The following TGFBR3 variants were observed in gnomAD, a reference collection of about 807,000 sequenced individuals.
The protein encoded by TGFBR3 is transforming growth factor beta receptor type 3.
In TGFBR3, 46 loss-of-function variants were observed where a neutral mutation model predicts 87.9. The observed-to-expected ratio is 0.52, with a 90% CI of 0.41 to 0.67. TGFBR3 has a LOEUF of 0.67. Among genes scored for constraint, TGFBR3 ranks in the 30% least tolerant of loss-of-function variants. The probability of loss-of-function intolerance (pLI) is 0.00; values close to 1 mark genes in which losing one functional copy is unlikely to be tolerated. For synonymous variants in TGFBR3, 381 were observed against 391.6 expected, an observed-to-expected ratio of 0.97 and a Z score of 0.32; for missense variants, 866 against 1,041.9, an observed-to-expected ratio of 0.83 and a Z score of 2.32.
rs1449373231 is a variant in TGFBR3 at position 91,849,866 on chromosome 1, A to AG, written c.61+11604dup. On this transcript the variant is annotated intron_variant, in intron 2 of 16. Transcript: ENST00000212355. ...GGGAGGCCGAGGCGGGCCGATCACG[A>AG]GGTCAGGAGATTGAGACCATCCTGG... Among the ~76,000 whole-genome samples the AG allele has an allele frequency of 1.6e-4, 24 of 151,984 alleles. 2 individuals carry two copies. The South Asian group carries it at 4.8e-3, about 30-fold the overall frequency.
chr1:91,892,036 CA>C (rs1345064418), intron 2 of TGFBR3, among the ~76,000 whole-genome samples: 2 of 152,172 alleles, frequency 1.3e-5, no homozygotes, highest in Admixed American at 1.3e-4. Context: ...GGGAATTCCA[CA>C]GAGATTTTGG....
intron 3 of TGFBR3, among the ~76,000 whole-genome samples, chr1:91,785,841 C>G (rs1236587171): frequency 6.6e-6 from 1 of 150,674 alleles, no homozygotes; most frequent in Non-Finnish European, 1.5e-5. Context: ...GATCGTGGTT[C>G]ACTGCAGCCT....
chr1:91,733,012 G>A (rs565959944), intron 5 of TGFBR3, among the ~76,000 whole-genome samples: 16 of 152,164 alleles, frequency 1.1e-4, no homozygotes, highest in Non-Finnish European at 2.1e-4. Context: ...AACGCGGCCC[G>A]CTGGCCAGGG....
At chr1:91,788,353 G>A (rs1202089631) in intron 3 of TGFBR3, among the ~76,000 whole-genome samples, 2 of 152,180 alleles carry the variant, frequency 1.3e-5, no homozygotes, top group Non-Finnish European at 2.9e-5. Context: ...GGGAAGAAGG[G>A]AAAGAAGGAC....
At chr1:91,790,191 T>C (rs1675135565) in intron 3 of TGFBR3, among the ~76,000 whole-genome samples, 1 of 152,102 alleles carries the variant, frequency 6.6e-6, no homozygotes, top group Admixed American at 6.5e-5. Context: ...TCTCATAAGA[T>C]TATAGTACCA....
At chr1:91,685,675 C>G (rs1671066885) in intron 16 of TGFBR3, among the ~76,000 whole-genome samples, 1 of 152,148 alleles carries the variant, frequency 6.6e-6, no homozygotes, top group Non-Finnish European at 1.5e-5. Flanking sequence ...CTCCCCAGCA[C>G]TGCCCTCTAC....
At position 91,704,277 on chromosome 1, in the gene TGFBR3, G is replaced by A. The variant is rs569599571; in HGVS notation, c.2287+4386C>T. On this transcript the variant is annotated intron_variant, in intron 14 of 16. Transcript: ENST00000212355. ...CAGGAGGTGGAGGTTGCAGTGAGCC[G>A]AGATTGCGCCACTGCACTCCAGTCT... 1.5e-3 allele frequency among the ~76,000 whole-genome samples: 220 copies of A among 150,672 alleles called. 2 individuals are homozygous for A. The highest frequency in any genetic ancestry group is 0.011 in the Middle Eastern group (3 of 282).
chr1:91,809,530 T>C (rs17881754), intron 2 of TGFBR3, among the ~76,000 whole-genome samples: 171 of 152,284 alleles, frequency 1.1e-3, no homozygotes, highest in African/African-American at 4.0e-3. Flanking sequence ...TGATTGCAGA[T>C]AGGAGACCAT....
intron 3 of TGFBR3, among the ~76,000 whole-genome samples, chr1:91,768,144 G>A (rs2100924016): frequency 6.6e-6 from 1 of 150,566 alleles, no homozygotes; most frequent in South Asian, 2.1e-4. Flanking sequence ...CCCAGGAGGC[G>A]GAAGTTGAGT....
chr1:91,777,191 T>C (rs564847118), intron 3 of TGFBR3, among the ~76,000 whole-genome samples: 2 of 152,316 alleles, frequency 1.3e-5, no homozygotes, highest in South Asian at 4.1e-4. Context: ...TCCCAATCTG[T>C]AGTGGGGAAA....
intron 3 of TGFBR3, among the ~76,000 whole-genome samples, chr1:91,791,918 G>A (rs565803480): frequency 1.3e-5 from 2 of 152,286 alleles, no homozygotes; most frequent in Admixed American, 6.5e-5. Flanking sequence ...ATTGTCATTT[G>A]GGGGATGTGA....
chr1:91,890,230 A>G (rs1348494380), upstream of TGFBR3, among the ~76,000 whole-genome samples: 4 of 152,118 alleles, frequency 2.6e-5, no homozygotes, highest in Admixed American at 6.5e-5. Flanking sequence ...TGTTTTTCAT[A>G]CAAGGAACCA....
At chr1:91,905,541 TCG>T (rs1679827480) in intron 1 of TGFBR3, among the ~76,000 whole-genome samples, 1 of 152,148 alleles carries the variant, frequency 6.6e-6, no homozygotes, top group African/African-American at 2.4e-5. Flanking sequence ...CAAGCGATTC[TCG>T]TGCCTCAGCC....
chr1:91,855,768 A>C (rs762866231), intron 2 of TGFBR3, among the ~76,000 whole-genome samples: 3 of 152,218 alleles, frequency 2.0e-5, no homozygotes, highest in Non-Finnish European at 2.9e-5. Flanking sequence ...CATAGTATCA[A>C]GCACTTATTT....
chr1:91,768,299 T>C (rs186893434), intron 3 of TGFBR3, among the ~76,000 whole-genome samples: 1 of 152,268 alleles, frequency 6.6e-6, no homozygotes, highest in Non-Finnish European at 1.5e-5. Flanking sequence ...GCATCCAGAA[T>C]CTGCTGCCTT....
intron 2 of TGFBR3, among the ~76,000 whole-genome samples, chr1:91,832,426 T>C (rs889408169): frequency 6.6e-6 from 1 of 152,190 alleles, no homozygotes; most frequent in Admixed American, 6.5e-5. Flanking sequence ...AATAACATTA[T>C]TATCTATGGA....
At chr1:91,879,728 T>C (rs990250131) in intron 1 of TGFBR3, among the ~76,000 whole-genome samples, 1 of 152,220 alleles carries the variant, frequency 6.6e-6, no homozygotes, top group Non-Finnish European at 1.5e-5. Context: ...TTTGTGCTGA[T>C]TCTTAAGCAA....
intron 1 of TGFBR3, among the ~76,000 whole-genome samples, chr1:91,902,471 C>T (rs1180656733): frequency 2.6e-5 from 4 of 152,054 alleles, no homozygotes; most frequent in Non-Finnish European, 4.4e-5. Context: ...TTTGTAGAGA[C>T]AGGGTCTTGC....
intron 1 of TGFBR3, among the ~76,000 whole-genome samples, chr1:91,863,542 C>T (rs1466371596): frequency 2.0e-5 from 3 of 152,200 alleles, no homozygotes; most frequent in Non-Finnish European, 4.4e-5. Flanking sequence ...AATTACTGTA[C>T]TGTATCACTA....
Sources: gnomAD v4.1 joint callset for allele counts (sites outside exome capture counted in the v4.1 genomes callset) on GRCh38, gnomAD v4.1.1 for gene constraint, MANE v1.5 for transcripts, NCBI Gene and HGNC (gene_info 2026-07-23, HGNC 2026-07-21) for gene names.